GRK3: variants seen among roughly 807,000 people sequenced by gnomAD.
GRK3 encodes the protein adrenergic, beta, receptor kinase 2.
A neutral mutation model predicts 95.7 loss-of-function variants in GRK3; 54 were observed. The observed-to-expected ratio is 0.56, with a 90% CI of 0.45 to 0.71. GRK3 has a LOEUF of 0.71. GRK3 is among the 30% of genes least tolerant of loss of function. GRK3 has a pLI of 0.00. For synonymous variants in GRK3, 281 were observed against 290.8 expected (o/e 0.97, Z 0.34); for missense variants, 649 against 851.2 (o/e 0.76, Z 2.96).
chr22:25,657,299 C>T (rs1205511700), intron 3 of GRK3, among the ~76,000 whole-genome samples: 1 of 152,142 alleles, frequency 6.6e-6, no homozygotes, highest in Non-Finnish European at 1.5e-5. Context: ...TTAAAATTTT[C>T]AACTATGATT....
At chr22:25,640,536 A>T (rs1273182187) in intron 2 of GRK3, among the ~76,000 whole-genome samples, 1 of 152,202 alleles carries the variant, frequency 6.6e-6, no homozygotes, top group Non-Finnish European at 1.5e-5. Flanking sequence ...TATGCAGTCT[A>T]TTCTCCTTAC....
chr22:25,667,740 C>T lies in GRK3; in HGVS notation c.443C>T (p.Pro148Leu), dbSNP rs1239579654. 1 of 1,608,524 alleles carries T rather than the reference C, an allele frequency of 6.2e-7. No individual in the cohort carries two copies. Among genetic ancestry groups the T allele is most frequent in the African/African-American group, 1.3e-5 (1 of 74,752 alleles). Residue 148 changes from proline (P) to leucine (L), a missense_variant and splice_region_variant, in exon 6 of 21, where the codon CCA becomes CTA. By Grantham distance (98) the Pro-to-Leu change is moderately conservative. Transcript: ENST00000324198. ...GAATTTCTTTTCCATCTCTTCCAGC[C>T]ATACATAGAAGAAATTTGTGAAAGC... is the stretch of plus-strand genomic sequence containing the variant. ...KKQVTSTLFQ[P>L]YIEEICESLR...
At chr22:25,686,486 T>C (rs2085115495) in intron 10 of GRK3, among the ~76,000 whole-genome samples, 1 of 152,156 alleles carries the variant, frequency 6.6e-6, no homozygotes, top group Admixed American at 6.5e-5. Context: ...CTTTTCCATC[T>C]TGATGTGGTG....
chr22:25,607,743 A>ATT (rs35551345), intron 2 of GRK3, among the ~76,000 whole-genome samples: 97 of 138,576 alleles, frequency 7.0e-4, no homozygotes, highest in African/African-American at 2.3e-3. Flanking sequence ...TACCCAGCTA[A>ATT]TTTTTTTTTT....
intron 15 of GRK3, among the ~76,000 whole-genome samples, chr22:25,704,471 G>A (rs890751977): frequency 7.2e-5 from 11 of 152,140 alleles, no homozygotes; most frequent in African/African-American, 1.9e-4. Context: ...GTGCAGTGGC[G>A]TGATCTCAGC....
rs771406578 is a variant in GRK3 at position 25,695,208 on chromosome 22, T to G, written c.1154T>G (p.Leu385Arg). 1.2e-6 allele frequency: 2 copies of G among 1,613,206 alleles called. No individual in the cohort carries two copies. Among genetic ancestry groups the G allele is most frequent in the Non-Finnish European group, 1.7e-6 (2 of 1,179,170 alleles). The change falls in exon 13 of 21, where the codon CTG (leucine) becomes CGG (arginine). Residue 385 changes from leucine (L) to arginine (R), a missense_variant. Physicochemically the swap from Leu to Arg is moderately radical, Grantham distance 102 (BLOSUM62 -2). Coordinates refer to ENST00000324198, the MANE Select transcript of GRK3 (RefSeq NM_005160.4). ...CTGGGCTGCATGCTTTTCAAACTTC[T>G]GAGAGGGTGAGTTGAAATGCATCCT... ...FSLGCMLFKL[L>R]RGHSPFRQHK...
chr22:25,704,197 G>T lies in GRK3; in HGVS notation c.1316G>T (p.Cys439Phe). 6.2e-7 allele frequency: 1 copy of T among 1,612,416 alleles called. No homozygotes were observed. The highest frequency in any genetic ancestry group is 1.1e-5 in the South Asian group (1 of 90,816). ...LQRDVSKRLG[C>F]HGGGSQEVKE... ...CGAGACGTTAGCAAGCGGCTGGGCT[G>T]TCACGGAGGCGGGTAGGCCATTGTT... Residue 439 changes from cysteine (C) to phenylalanine (F), a missense_variant, in exon 15 of 21, where the codon TGT (cysteine) becomes TTT (phenylalanine). By Grantham distance (205) the Cys-to-Phe change is radical. Coordinates refer to ENST00000324198, the MANE Select transcript of GRK3 (RefSeq NM_005160.4).
rs903494331 is a variant in GRK3, at chr22:25,729,056, C to T, written c.*6606C>T. 14 of 152,150 alleles carry T rather than the reference C, an allele frequency of 9.2e-5. No individual in the cohort carries two copies. Among genetic ancestry groups the T allele is most frequent in the African/African-American group, 3.4e-4 (14 of 41,424 alleles). The allele number at this position is 152,150 out of a possible 1,614,324, so 9.4% of individuals were successfully genotyped here. ...AGACAAAATATCATTGGTTCTATCT[C>T]TTTTTGTATCTGTTGTGCCAGGGAA... is the stretch of plus-strand genomic sequence containing the variant. On this transcript the variant is annotated 3_prime_UTR_variant, in exon 21 of 21. Coordinates refer to ENST00000324198, the MANE Select transcript of GRK3 (RefSeq NM_005160.4).
At position 25,718,250 on chromosome 22, in the gene GRK3, G is replaced by A. The variant is rs919035064; in HGVS notation, c.1660G>A (p.Ala554Thr). ...AGTGATTTTGTATTCCTCAGATTACGCTCTGGGGAAGGACTGTATTATGCA... is the reference window on the plus strand; with the variant it reads ...AGTGATTTTGTATTCCTCAGATTACACTCTGGGGAAGGACTGTATTATGCA... Reference protein sequence around the residue: ...NKQLGHEEDYALGKDCIMHGY... With the variant: ...NKQLGHEEDYTLGKDCIMHGY... The change falls in exon 19 of 21, where the codon GCT becomes ACT. Residue 554 changes from alanine (A) to threonine (T), a missense_variant. By Grantham distance (58) the Ala-to-Thr change is moderately conservative. Coordinates refer to ENST00000324198, the MANE Select transcript of GRK3 (RefSeq NM_005160.4). The A allele has an allele frequency of 4.3e-6, 7 of 1,613,320 alleles. No individual in the cohort carries two copies. Among genetic ancestry groups the A allele is most frequent in the Non-Finnish European group, 4.2e-6 (5 of 1,179,600 alleles).
At chr22:25,603,087 T>C (rs1233071028) in intron 1 of GRK3, among the ~76,000 whole-genome samples, 1 of 152,142 alleles carries the variant, frequency 6.6e-6, no homozygotes, top group Non-Finnish European at 1.5e-5. Context: ...CAGCTAATTT[T>C]TGTATTTTTA....
Position 25,726,018 on chromosome 22 carries a change from C to T in GRK3, c.*3568C>T, listed in dbSNP as rs1021872336. On this transcript the variant is annotated 3_prime_UTR_variant, in exon 21 of 21. Coordinates refer to ENST00000324198, the MANE Select transcript of GRK3 (RefSeq NM_005160.4). Reference sequence around the variant, plus strand: ...AGGAAAGGAAGCATTTTGCTGAAGACAGCAGCAGCAACAAACAATGGTCTG... The same window carrying T: ...AGGAAAGGAAGCATTTTGCTGAAGATAGCAGCAGCAACAAACAATGGTCTG... 6.4e-6 allele frequency: 1 copy of T among 156,444 alleles called. No individual in the cohort carries two copies. The highest frequency in any genetic ancestry group is 2.4e-5 in the African/African-American group (1 of 41,592). 9.7% of individuals were successfully genotyped at this position (156,444 alleles called of 1,614,324 possible). A position where few individuals can be genotyped will look rare whatever the true frequency, so the allele number is the denominator to read the frequency against.
At chr22:25,572,943 A>G (rs1168482421) in intron 1 of GRK3, among the ~76,000 whole-genome samples, 1 of 152,184 alleles carries the variant, frequency 6.6e-6, no homozygotes, top group Non-Finnish European at 1.5e-5. Flanking sequence ...TTGATGAGTG[A>G]CTTCCCTCTC....
chr22:25,629,128 A>G (rs2146366131), intron 2 of GRK3, among the ~76,000 whole-genome samples: 1 of 152,334 alleles, frequency 6.6e-6, no homozygotes, highest in East Asian at 1.9e-4. Context: ...GTAAGAACCC[A>G]GTGCTGTGGG....
chr22:25,672,248 A>G (rs1041752740), intron 6 of GRK3, 48 bp from the exon 7 acceptor site: 2 of 931,394 alleles, frequency 2.1e-6, no homozygotes, highest in African/African-American at 1.7e-5. Context: ...TTGTAAATCC[A>G]GTTAATTTGA....
intron 6 of GRK3, among the ~76,000 whole-genome samples, chr22:25,668,195 G>T (rs973770080): frequency 3.9e-5 from 6 of 152,224 alleles, no homozygotes; most frequent in Non-Finnish European, 2.9e-5. Flanking sequence ...TCATGTAGGA[G>T]TAGAATTTAA....
chr22:25,704,004 A>C, intron 14 of GRK3, 105 bp from the exon 15 acceptor site: 1 of 803,658 alleles, frequency 1.2e-6, no homozygotes, highest in South Asian at 1.9e-5. Context: ...TGAGGCTGCA[A>C]TTTTTAATAC....
intron 1 of GRK3, among the ~76,000 whole-genome samples, chr22:25,589,966 A>G (rs1243470004): frequency 1.3e-5 from 2 of 152,182 alleles, no homozygotes; most frequent in Non-Finnish European, 2.9e-5. Context: ...ACAGCATGGG[A>G]AAGATCCGGC....
intron 2 of GRK3, among the ~76,000 whole-genome samples, chr22:25,621,252 T>G (rs1050114530): frequency 6.6e-6 from 1 of 152,268 alleles, no homozygotes; most frequent in Non-Finnish European, 1.5e-5. Flanking sequence ...TGCCAACATA[T>G]AGAATTCCCC....
chr22:25,688,235 C>CA (rs35383882), intron 11 of GRK3, among the ~76,000 whole-genome samples: 8,860 of 62,830 alleles, frequency 0.14, 626 homozygotes, highest in Non-Finnish European at 0.21. Context: ...GACTCTGTCT[C>CA]AAAAAAAAAA....
Sources: allele counts gnomAD v4.1 joint callset (sites outside exome capture counted in the v4.1 genomes callset), GRCh38; gene constraint gnomAD v4.1.1; transcripts MANE v1.5; gene names NCBI Gene and HGNC (gene_info 2026-07-23, HGNC 2026-07-21).